HNRNPC: variants seen among roughly 807,000 people sequenced by gnomAD.
HNRNPC encodes heterogeneous nuclear ribonucleoproteins C1/C2.
A neutral mutation model predicts 33.2 loss-of-function variants in HNRNPC; 3 were observed. The ratio of observed to expected loss-of-function variants is 0.09; its 90% CI spans 0.04 to 0.23. The LOEUF (loss-of-function observed/expected upper bound fraction) is 0.23. HNRNPC is among the 10% of genes least tolerant of loss of function. The probability of loss-of-function intolerance (pLI) is 1.00; values close to 1 mark genes in which losing one functional copy is unlikely to be tolerated. For synonymous variants in HNRNPC, 121 were observed against 126.7 expected (o/e 0.96, Z 0.30); for missense variants, 143 against 366.7 (o/e 0.39, Z 4.98).
At position 21,213,093 on chromosome 14, in the gene HNRNPC, T is replaced by A. The variant is rs1054145940; in HGVS notation, c.390A>T (p.Val130=). 1.2e-6 allele frequency: 2 copies of A among 1,613,876 alleles called. No individual in the cohort carries two copies. The highest frequency in any genetic ancestry group is 2.2e-5 in the South Asian group (2 of 91,062). ...YDRMYSYPAR[V]PPPPPIARAV... is the part of the protein sequence containing the mutation. ...CCCGAGCAATAGGAGGAGGAGGAGG[T>A]ACACGTGCTGGGTAACTGTACATCC... Residue 130 remains valine, a synonymous_variant, in exon 6 of 9, where the codon GTA becomes GTT. Coordinates refer to ENST00000553300, the MANE Select transcript of HNRNPC (RefSeq NM_004500.4).
chr14:21,262,187 T>C (rs1206499183), intron 2 of HNRNPC, among the ~76,000 whole-genome samples: 1 of 152,188 alleles, frequency 6.6e-6, no homozygotes, highest in Non-Finnish European at 1.5e-5. Flanking sequence ...TTGACTCTTG[T>C]GAAATATTAA....
chr14:21,246,885 AAAGTC>A (rs1308119865), intron 2 of HNRNPC, among the ~76,000 whole-genome samples: 1 of 152,186 alleles, frequency 6.6e-6, no homozygotes, highest in Non-Finnish European at 1.5e-5. Context: ...TCTACTTAAC[AAAGTC>A]AATATATCTT....
intron 5 of HNRNPC, among the ~76,000 whole-genome samples, chr14:21,226,889 A>ACAG (rs1555353120): frequency 1.1e-5 from 1 of 89,634 alleles, no homozygotes; most frequent in East Asian, 4.1e-4. Context: ...AAAAAAAAAA[A>ACAG]AAAAAAGGGG....
At chr14:21,225,663 G>T (rs544886399) in intron 5 of HNRNPC, among the ~76,000 whole-genome samples, 1 of 152,174 alleles carries the variant, frequency 6.6e-6, no homozygotes, top group South Asian at 2.1e-4. Context: ...GGGTCCACGA[G>T]ATATGACAAA....
chr14:21,245,728 T>C (rs916932770), intron 2 of HNRNPC, among the ~76,000 whole-genome samples: 1 of 152,144 alleles, frequency 6.6e-6, no homozygotes, highest in African/African-American at 2.4e-5. Context: ...CTTATTTAGT[T>C]TACTAACATT....
At chr14:21,252,435 C>T (rs1455404207) in intron 2 of HNRNPC, among the ~76,000 whole-genome samples, 3 of 152,132 alleles carry the variant, frequency 2.0e-5, no homozygotes, top group Non-Finnish European at 4.4e-5. Context: ...CTCAGACTTC[C>T]AAGTAGCTGG....
At chr14:21,235,794 A>G (rs915579719) in intron 2 of HNRNPC, among the ~76,000 whole-genome samples, 2 of 152,220 alleles carry the variant, frequency 1.3e-5, no homozygotes, top group African/African-American at 4.8e-5. Context: ...TCTGGTTTTA[A>G]GCAACTATTT....
Position 21,252,231 on chromosome 14 carries a change from C to T in HNRNPC, c.-37+11080G>A, listed in dbSNP as rs144844707. ...AAGACCCCACCAACCATGTTATCCC[C>T]GTAGAAATAAAACAGCATTGAGGAA... On this transcript the variant is annotated intron_variant, in intron 2 of 8. Transcript: ENST00000553300. 4.9e-3 allele frequency among the ~76,000 whole-genome samples: 739 copies of T among 152,276 alleles called. 5 individuals are homozygous for T. Among genetic ancestry groups the T allele is most frequent in the South Asian group, 0.03 (144 of 4,820 alleles).
chr14:21,258,806 T>C (rs1877679725), intron 2 of HNRNPC, among the ~76,000 whole-genome samples: 1 of 152,202 alleles, frequency 6.6e-6, no homozygotes, highest in Non-Finnish European at 1.5e-5. Context: ...TGCTCATTAA[T>C]ACACCCAATA....
Position 21,241,125 on chromosome 14 carries a change from T to C in HNRNPC, c.-36-6896A>G, listed in dbSNP as rs187583014. On this transcript the variant is annotated intron_variant, in intron 2 of 8. Transcript: ENST00000553300. ...CTCTACTAAAGACAAAAATTGGTGG[T>C]GGCAGGCGTCTGTAATCCCAGCTAC... is the stretch of plus-strand genomic sequence containing the variant. Among the ~76,000 whole-genome samples, 27 of 151,902 alleles carry C rather than the reference T, an allele frequency of 1.8e-4. No individual in the cohort carries two copies. The East Asian group carries it at 4.5e-3, about 25-fold the overall frequency.
chr14:21,258,329 G>C (rs901721388), intron 2 of HNRNPC, among the ~76,000 whole-genome samples: 4 of 151,876 alleles, frequency 2.6e-5, no homozygotes, highest in Non-Finnish European at 5.9e-5. Flanking sequence ...GGCGGAGGTT[G>C]CAGTGAGCCA....
chr14:21,259,856 G>A (rs114108623), intron 2 of HNRNPC, among the ~76,000 whole-genome samples: 2,006 of 140,548 alleles, frequency 0.014, 50 homozygotes, highest in African/African-American at 0.049. Flanking sequence ...GACCAGCCTG[G>A]GAAACAAAAT....
intron 4 of HNRNPC, chr14:21,230,758 A>G (rs1894023726): frequency 1.9e-6 from 1 of 523,566 alleles, no homozygotes; most frequent in South Asian, 3.5e-5. Flanking sequence ...TTTAATATCA[A>G]TAGCAAAAAC....
intron 3 of HNRNPC, 155 bp from the exon 4 acceptor site, chr14:21,231,227 C>A: frequency 4.2e-6 from 3 of 719,638 alleles, no homozygotes; most frequent in South Asian, 3.2e-5. Flanking sequence ...CTCTACCTCC[C>A]GGTTCAAGCG....
intron 4 of HNRNPC, chr14:21,230,729 T>C: frequency 2.0e-6 from 1 of 503,522 alleles, no homozygotes. Context: ...CAGGTTATGC[T>C]ATAAATATCA....
At chr14:21,249,361 G>A (rs921551905) in intron 2 of HNRNPC, among the ~76,000 whole-genome samples, 4 of 151,480 alleles carry the variant, frequency 2.6e-5, no homozygotes, top group South Asian at 2.1e-4. Flanking sequence ...GATCACCAGA[G>A]GTCAGGAGTT....
At chr14:21,217,509 T>C (rs1174064205) in intron 5 of HNRNPC, among the ~76,000 whole-genome samples, 10 of 152,106 alleles carry the variant, frequency 6.6e-5, no homozygotes, top group Non-Finnish European at 1.5e-4. Flanking sequence ...TTCTGGTAAT[T>C]AAGGGGGAAA....
chr14:21,247,820 CAAAAAA>C (rs1216770970), intron 2 of HNRNPC, among the ~76,000 whole-genome samples: 1 of 76,754 alleles, frequency 1.3e-5, no homozygotes, highest in African/African-American at 4.6e-5. Flanking sequence ...ACTAAAAATA[CAAAAAA>C]AAAAAAAAAA....
intron 1 of HNRNPC, among the ~76,000 whole-genome samples, chr14:21,265,676 A>T (rs761779940): frequency 2.6e-5 from 4 of 152,158 alleles, no homozygotes; most frequent in Non-Finnish European, 1.5e-5. Context: ...AGCACTACTC[A>T]GCAGGCTGAG....
Sources: gnomAD v4.1 joint callset for allele counts (sites outside exome capture counted in the v4.1 genomes callset) on GRCh38, gnomAD v4.1.1 for gene constraint, MANE v1.5 for transcripts, NCBI Gene and HGNC (gene_info 2026-07-23, HGNC 2026-07-21) for gene names.